The following TYW1B variants were observed in gnomAD, a reference collection of about 807,000 sequenced individuals.
The protein encoded by TYW1B is tRNA-yW synthesizing protein 1 homolog B.
Under a neutral mutation model 86.9 loss-of-function variants are expected in TYW1B, and 73 were observed. The ratio of observed to expected loss-of-function variants is 0.84; its 90% CI spans 0.70 to 1.02. The LOEUF (loss-of-function observed/expected upper bound fraction) is 1.02, where lower values mean the gene tolerates loss of function less well. TYW1B is among the 50% of genes least tolerant of loss of function. The pLI, the probability that TYW1B is intolerant of heterozygous loss-of-function variation, is 0.00. For missense variants in TYW1B, 637 were observed against 827.4 expected (o/e 0.77, Z 2.82); for synonymous variants, 248 against 292.8 (o/e 0.85, Z 1.56).
At chr7:72,810,845 G>A (rs576394317) in intron 3 of TYW1B, among the ~76,000 whole-genome samples, 180 bp from the exon 4 acceptor site, 1 of 151,990 alleles carries the variant, frequency 6.6e-6, no homozygotes, top group African/African-American at 2.4e-5. Context: ...TTGCACGGGG[G>A]AGAAAACCCA....
At chr7:72,775,911 AG>A (rs1787945738) in intron 7 of TYW1B, among the ~76,000 whole-genome samples, 1 of 152,186 alleles carries the variant, frequency 6.6e-6, no homozygotes, top group Admixed American at 6.5e-5. Flanking sequence ...ATAATTAAAT[AG>A]ATGTTTTGAT....
At chr7:72,628,829 C>T (rs1409444309) in intron 12 of TYW1B, 58 bp downstream of exon 12, 35 of 1,459,558 alleles carry the variant, frequency 2.4e-5, no homozygotes, top group Non-Finnish European at 3.1e-5. Context: ...CGATGGCCAA[C>T]GAAGCACCAC....
chr7:72,576,161 T>C (rs1437468310), intron 13 of TYW1B, among the ~76,000 whole-genome samples: 2 of 152,246 alleles, frequency 1.3e-5, no homozygotes, highest in Admixed American at 6.5e-5. Context: ...GAAGGTTTCA[T>C]CAATAACTTC....
chr7:72,620,752 C>T (rs1812195130), intron 12 of TYW1B, among the ~76,000 whole-genome samples: 1 of 152,216 alleles, frequency 6.6e-6, no homozygotes, highest in Non-Finnish European at 1.5e-5. Flanking sequence ...CCCTCACCCT[C>T]ACCCTCACCC....
rs142535243 is a variant in TYW1B at position 72,826,911 on chromosome 7, C to T, written c.79G>A (p.Gly27Ser). The T allele has an allele frequency of 5.3e-3, 8,496 of 1,613,806 alleles. 37 individuals carry two copies. The highest frequency in any genetic ancestry group is 6.6e-3 in the Non-Finnish European group (7,816 of 1,179,946). Reference protein sequence around the residue: ...LWINRFYIYLGFAVSISLWIC... With the variant: ...LWINRFYIYLSFAVSISLWIC... ...CAAAGGCTAATGCTAACAGCAAAGC[C>T]CAGATAAATGTAAAACCTGTTTATC... The change falls in exon 2 of 14, where the codon GGC (glycine) becomes AGC (serine). Residue 27 changes from glycine to serine, a missense_variant. Physicochemically the swap from Gly to Ser is moderately conservative, Grantham distance 56 (BLOSUM62 0). Transcript: ENST00000620995.
chr7:72,595,495 T>C (rs1308083744), intron 13 of TYW1B, among the ~76,000 whole-genome samples: 1 of 151,958 alleles, frequency 6.6e-6, no homozygotes, highest in Admixed American at 6.6e-5. Flanking sequence ...GCAAGTCTGG[T>C]CAACATGGTA....
chr7:72,753,972 T>C (rs1787545521), intron 7 of TYW1B, among the ~76,000 whole-genome samples: 1 of 152,164 alleles, frequency 6.6e-6, no homozygotes, highest in Admixed American at 6.6e-5. Flanking sequence ...TGCAGTGGTC[T>C]GGAACGAAAC....
At chr7:72,703,154 A>G (rs1288253608) in intron 10 of TYW1B, among the ~76,000 whole-genome samples, 1 of 150,936 alleles carries the variant, frequency 6.6e-6, no homozygotes, top group African/African-American at 2.4e-5. Flanking sequence ...CCTCCCGAGT[A>G]GCTGGGACTA....
rs1159154640 is a variant in TYW1B, at chr7:72,720,896, C to A, written c.1193-7098G>T. Among the ~76,000 whole-genome samples, 13 of 135,504 alleles carry A rather than the reference C, an allele frequency of 9.6e-5. No homozygotes were observed. The East Asian group carries it at 3.4e-3, about 35-fold the overall frequency. The allele number at this position is 135,504 out of a possible 152,430, so 88.9% of individuals were successfully genotyped here. A position where few individuals can be genotyped will look rare whatever the true frequency, so the allele number is the denominator to read the frequency against. On this transcript the variant is annotated intron_variant, in intron 9 of 13. Transcript: ENST00000620995. ...TGTATCTCCTAATGCTATCCCTCCC[C>A]CCTCCCCCCAACCCATGACAGGCCC...
chr7:72,771,589 A>C (rs1376668378), intron 7 of TYW1B, among the ~76,000 whole-genome samples: 2 of 152,170 alleles, frequency 1.3e-5, no homozygotes, highest in Non-Finnish European at 2.9e-5. Context: ...AACAAAAAAA[A>C]CCTGCAAAGC....
Position 72,713,682 on chromosome 7 carries a change from G to A in TYW1B, c.1309C>T (p.Leu437Phe), listed in dbSNP as rs1786721743. The A allele has an allele frequency of 5.6e-6, 9 of 1,614,066 alleles. No individual in the cohort carries two copies. The highest frequency in any genetic ancestry group is 7.6e-6 in the Non-Finnish European group (9 of 1,180,016). The change falls in exon 10 of 14, where the codon CTC becomes TTC. Residue 437 changes from leucine to phenylalanine, a missense_variant. Transcript: ENST00000620995. ...YPEINRFLKLLHQCKISSFLV... is the reference protein window; with the variant it reads ...YPEINRFLKLFHQCKISSFLV... ...AAGCTGGAGATTTTACACTGGTGGAGTAGCTTCAAAAACCTGTTGATCTCT... is the reference window on the plus strand; with the variant it reads ...AAGCTGGAGATTTTACACTGGTGGAATAGCTTCAAAAACCTGTTGATCTCT...
At chr7:72,647,179 AT>A (rs200860637) in intron 11 of TYW1B, among the ~76,000 whole-genome samples, 1 of 150,956 alleles carries the variant, frequency 6.6e-6, no homozygotes. Flanking sequence ...ATTGGCAAAG[AT>A]TTTTTTTAAA....
intron 11 of TYW1B, among the ~76,000 whole-genome samples, chr7:72,680,441 G>A (rs1320300279): frequency 6.6e-6 from 1 of 152,122 alleles, no homozygotes; most frequent in South Asian, 2.1e-4. Flanking sequence ...CAAACTCCAA[G>A]ATCTTCAGCT....
At chr7:72,750,793 C>T (rs1787486365) in intron 7 of TYW1B, among the ~76,000 whole-genome samples, 1 of 152,070 alleles carries the variant, frequency 6.6e-6, no homozygotes, top group African/African-American at 2.4e-5. Flanking sequence ...TTCAGATATT[C>T]GAATATTTGC....
At chr7:72,704,436 A>C (rs1814565559) in intron 10 of TYW1B, among the ~76,000 whole-genome samples, 2 of 136,624 alleles carry the variant, frequency 1.5e-5, no homozygotes, top group African/African-American at 2.7e-5. Flanking sequence ...TCTATCTTAA[A>C]AAAAAAAAAA....
chr7:72,723,261 T>C (rs183895465), intron 9 of TYW1B, among the ~76,000 whole-genome samples: 21 of 152,258 alleles, frequency 1.4e-4, no homozygotes, highest in Admixed American at 1.4e-3. Context: ...AAAAGAGTAA[T>C]AAAAGGATTT....
At chr7:72,813,233 T>C (rs1304901453) in intron 3 of TYW1B, among the ~76,000 whole-genome samples, 1 of 147,138 alleles carries the variant, frequency 6.8e-6, no homozygotes, top group Non-Finnish European at 1.5e-5. Context: ...TAGAGGGCAA[T>C]GGCGCAATCT....
At chr7:72,752,331 T>G (rs1422997828) in intron 7 of TYW1B, among the ~76,000 whole-genome samples, 6 of 151,990 alleles carry the variant, frequency 3.9e-5, no homozygotes, top group African/African-American at 1.5e-4. Context: ...ATTTGGATTA[T>G]AAACTAAGAA....
At chr7:72,704,397 G>A (rs1408268252) in intron 10 of TYW1B, among the ~76,000 whole-genome samples, 2 of 139,140 alleles carry the variant, frequency 1.4e-5, no homozygotes, top group Admixed American at 7.8e-5. Flanking sequence ...TCGCACCACT[G>A]CACTCCAGCA....
Sources: gnomAD v4.1 joint callset for allele counts (sites outside exome capture counted in the v4.1 genomes callset) on GRCh38, gnomAD v4.1.1 for gene constraint, MANE v1.5 for transcripts, NCBI Gene and HGNC (gene_info 2026-07-23, HGNC 2026-07-21) for gene names.